ZNF486: variants seen among roughly 807,000 people sequenced by gnomAD.
ZNF486 encodes zinc finger protein 486, also known as KRAB box only protein 2.
Under a neutral mutation model 12.8 loss-of-function variants are expected in ZNF486, and 12 were observed. That is an observed-to-expected ratio of 0.94 (90% CI 0.60 to 1.52). ZNF486 has a LOEUF of 1.52. Ranked by LOEUF, ZNF486 falls within the 40% of genes most tolerant of loss-of-function variation. The pLI, the probability that ZNF486 is intolerant of heterozygous loss-of-function variation, is 0.00. For synonymous variants in ZNF486, 231 were observed against 184.9 expected (o/e 1.25, Z -2.02); for missense variants, 738 against 545.0 (o/e 1.35, Z -3.53).
At chr19:20,189,508 T>TA (rs1363192501) in intron 3 of ZNF486, among the ~76,000 whole-genome samples, 5 of 152,220 alleles carry the variant, frequency 3.3e-5, no homozygotes, top group African/African-American at 7.2e-5. Context: ...TGGGTGTTTT[T>TA]AAAAAAATTT....
At chr19:20,180,227 T>A (rs1389505164) in intron 1 of ZNF486, among the ~76,000 whole-genome samples, 3 of 152,244 alleles carry the variant, frequency 2.0e-5, no homozygotes, top group African/African-American at 7.2e-5. Context: ...CCTGTGTTCA[T>A]TCATGCCCTC....
Position 20,197,672 on chromosome 19 carries a change from C to A in ZNF486, c.962C>A (p.Pro321Gln), listed in dbSNP as rs373521361. ...SHKKIHTGEK[P>Q]YTCDKCGKAF... ...AAGAAAATTCATACTGGAGAGAAACCGTACACGTGTGATAAATGTGGCAAA... is the reference window on the plus strand; with the variant it reads ...AAGAAAATTCATACTGGAGAGAAACAGTACACGTGTGATAAATGTGGCAAA... The change falls in exon 4 of 4, where the codon CCG becomes CAG. Residue 321 changes from proline (P) to glutamine (Q), a missense_variant. Transcript: ENST00000335117. 1.2e-5 allele frequency: 19 copies of A among 1,613,564 alleles called. No homozygotes were observed. Among genetic ancestry groups the A allele is most frequent in the African/African-American group, 2.7e-5 (2 of 74,882 alleles).
At chr19:20,175,409 G>A (rs2089696341) in intron 1 of ZNF486, 1 of 147,450 alleles carries the variant, frequency 6.8e-6, no homozygotes, top group Non-Finnish European at 1.5e-5. Context: ...TAGGACAACA[G>A]TGGAGGGAAG....
At chr19:20,180,023 T>C (rs533994540) in intron 1 of ZNF486, among the ~76,000 whole-genome samples, 1 of 152,348 alleles carries the variant, frequency 6.6e-6, no homozygotes, top group South Asian at 2.1e-4. Flanking sequence ...ACCAAGGCAG[T>C]TGTTTTCTAT....
chr19:20,196,362 T>C (rs1203859317), intron 3 of ZNF486, among the ~76,000 whole-genome samples: 1 of 152,200 alleles, frequency 6.6e-6, no homozygotes, highest in Non-Finnish European at 1.5e-5. Flanking sequence ...GAAGTCTTGC[T>C]CTGTCGCCCA....
intron 3 of ZNF486, among the ~76,000 whole-genome samples, chr19:20,187,668 A>AT (rs1443088722): frequency 1.3e-5 from 2 of 151,880 alleles, no homozygotes; most frequent in Admixed American, 6.6e-5. Context: ...CACCCGGCTA[A>AT]TTTTTTAAAA....
At chr19:20,175,146 C>T (rs900532406) in intron 1 of ZNF486, 2 of 151,968 alleles carry the variant, frequency 1.3e-5, no homozygotes, top group South Asian at 2.1e-4. Flanking sequence ...CACCTTTCTT[C>T]ATAATGCTCA....
chr19:20,186,908 G>A (rs920878756), intron 3 of ZNF486, among the ~76,000 whole-genome samples: 169 of 150,130 alleles, frequency 1.1e-3, no homozygotes, highest in African/African-American at 4.0e-3. Context: ...TCAGCCTCCT[G>A]TGTAGCTGAG....
intron 3 of ZNF486, among the ~76,000 whole-genome samples, chr19:20,194,579 G>GT (rs1301092853): frequency 1.3e-5 from 2 of 152,080 alleles, no homozygotes; most frequent in Non-Finnish European, 2.9e-5. Flanking sequence ...ATACAAAAAA[G>GT]TAGCCAGGCA....
At chr19:20,190,307 A>T (rs1437243683) in intron 3 of ZNF486, among the ~76,000 whole-genome samples, 1 of 152,184 alleles carries the variant, frequency 6.6e-6, no homozygotes, top group Non-Finnish European at 1.5e-5. Context: ...GAATTTGCCA[A>T]TTTACCTTTT....
rs782670761 is a variant in ZNF486, at chr19:20,197,218, A to G, written c.508A>G (p.Lys170Glu). 1 of 1,613,022 alleles carries G rather than the reference A, an allele frequency of 6.2e-7. No homozygotes were observed. Among genetic ancestry groups the G allele is most frequent in the South Asian group, 1.1e-5 (1 of 90,626 alleles). ...VKVFHQFSNSKRHKRRHTEKK... is the reference protein window; with the variant it reads ...VKVFHQFSNSERHKRRHTEKK... ...AGTCTTTCATCAATTTTCAAATTCA[A>G]AGAGACATAAAAGAAGACATACTGA... The change falls in exon 4 of 4, where the codon AAG becomes GAG. Residue 170 changes from lysine to glutamate, a missense_variant. Physicochemically the swap from Lys to Glu is moderately conservative, Grantham distance 56. Transcript: ENST00000335117.
intron 3 of ZNF486, among the ~76,000 whole-genome samples, chr19:20,189,168 G>C (rs1555716857): frequency 6.6e-6 from 1 of 152,110 alleles, no homozygotes. Flanking sequence ...TCTGCCTCCT[G>C]GGTTCAAGCA....
At chr19:20,187,760 C>T (rs1395671095) in intron 3 of ZNF486, among the ~76,000 whole-genome samples, 1 of 152,094 alleles carries the variant, frequency 6.6e-6, no homozygotes. Context: ...GCCTCGGCCT[C>T]CCAAAGTGCT....
At position 20,197,465 on chromosome 19, in the gene ZNF486, G is replaced by C. The variant is rs782333819; in HGVS notation, c.755G>C (p.Ser252Thr). ...ECGKVFKYFS[S>T]FTTHKKIHSG... ...GGCAAAGTCTTTAAGTACTTCTCTA[G>C]CTTTACTACACATAAGAAAATTCAT... The change falls in exon 4 of 4, where the codon AGC (serine) becomes ACC (threonine). Residue 252 changes from serine (S) to threonine (T), a missense_variant. Transcript: ENST00000335117. 1.2e-6 allele frequency: 2 copies of C among 1,607,952 alleles called. No individual in the cohort carries two copies. Among genetic ancestry groups the C allele is most frequent in the Admixed American group, 3.4e-5 (2 of 59,462 alleles).
At chr19:20,192,393 C>T (rs1244813167) in intron 3 of ZNF486, among the ~76,000 whole-genome samples, 2 of 151,942 alleles carry the variant, frequency 1.3e-5, no homozygotes, top group Admixed American at 1.3e-4. Context: ...GCAACCTCTG[C>T]CTCCCAAGTT....
intron 1 of ZNF486, among the ~76,000 whole-genome samples, chr19:20,171,426 A>G (rs1466676818): frequency 1.3e-5 from 2 of 152,184 alleles, no homozygotes; most frequent in Non-Finnish European, 2.9e-5. Flanking sequence ...ACTAGGCATC[A>G]CCCTCAGAAA....
chr19:20,197,924 C>T lies in ZNF486; in HGVS notation c.1214C>T (p.Pro405Leu), dbSNP rs781989250. The change falls in exon 4 of 4, where the codon CCC becomes CTC. Residue 405 changes from proline to leucine, a missense_variant. Pro to Leu is a moderately conservative substitution (Grantham distance 98, BLOSUM62 -3). Coordinates refer to ENST00000335117, the MANE Select transcript of ZNF486 (RefSeq NM_052852.4). The part of the protein sequence containing the change: ...KHRRTHTGEK[P>L]YKCEECGKAY... ...AGGAGAACTCATACTGGAGAGAAAC[C>T]CTACAAATGTGAAGAATGTGGCAAA... The T allele has an allele frequency of 4.2e-5, 67 of 1,613,280 alleles. No homozygotes were observed. The East Asian group carries it at 1.5e-3, about 35-fold the overall frequency.
At chr19:20,169,959 C>T (rs535165302) in intron 1 of ZNF486, among the ~76,000 whole-genome samples, 3 of 145,900 alleles carry the variant, frequency 2.1e-5, no homozygotes, top group African/African-American at 7.8e-5. Flanking sequence ...GGCGCGATCT[C>T]GGCTCACTGC....
chr19:20,179,832 G>A (rs927878743), intron 1 of ZNF486, among the ~76,000 whole-genome samples: 1 of 152,194 alleles, frequency 6.6e-6, no homozygotes, highest in African/African-American at 2.4e-5. Flanking sequence ...GAATCTGATG[G>A]CAGAATCTGT....
Sources: gnomAD v4.1 joint callset for allele counts (sites outside exome capture counted in the v4.1 genomes callset) on GRCh38, gnomAD v4.1.1 for gene constraint, MANE v1.5 for transcripts, NCBI Gene and HGNC (gene_info 2026-07-23, HGNC 2026-07-21) for gene names.